Variants in FARP2 observed in about 807,000 individuals in gnomAD.
FARP2 encodes the protein FERM, ARHGEF and pleckstrin domain-containing protein 2.
A neutral mutation model predicts 130.5 loss-of-function variants in FARP2; 111 were observed. The observed-to-expected ratio is 0.85, with a 90% CI of 0.73 to 1.00. FARP2 has a LOEUF of 1.00. Among genes scored for constraint, FARP2 ranks in the 50% least tolerant of loss-of-function variants. The pLI is 0.00. For missense variants in FARP2, 1,385 were observed against 1,346.3 expected (o/e 1.03, Z -0.45); for synonymous variants, 504 against 516.9 (o/e 0.98, Z 0.34).
intron 14 of FARP2, among the ~76,000 whole-genome samples, chr2:241,458,448 G>A (rs1490067596): frequency 6.6e-6 from 1 of 152,168 alleles, no homozygotes; most frequent in African/African-American, 2.4e-5. Flanking sequence ...GGATGGCACA[G>A]GCAGGGCAGT....
At chr2:241,356,721 A>T (rs924391962) in intron 1 of FARP2, among the ~76,000 whole-genome samples, 9 of 150,886 alleles carry the variant, frequency 6.0e-5, no homozygotes, top group Non-Finnish European at 1.3e-4. Flanking sequence ...TCCCGCGTGG[A>T]CTCGCGGGTT....
At chr2:241,366,585 T>G (rs530747983) in intron 1 of FARP2, among the ~76,000 whole-genome samples, 1 of 152,234 alleles carries the variant, frequency 6.6e-6, no homozygotes, top group African/African-American at 2.4e-5. Context: ...GTGATCTTCC[T>G]TTTCTTGCAC....
rs148793236 is a variant in FARP2, at chr2:241,460,229, G to A, written c.1588-2294G>A. Among the ~76,000 whole-genome samples, 241 of 152,258 alleles carry A rather than the reference G, an allele frequency of 1.6e-3. 3 individuals are homozygous for A. Among genetic ancestry groups the A allele is most frequent in the African/African-American group, 5.6e-3 (232 of 41,560 alleles). ...ACCATAAACATGGGCCTCTGGGGAC[G>A]GGACCAGCTCTGCCCCCAGAGAATT... On this transcript the variant is annotated intron_variant, in intron 14 of 26. Coordinates refer to ENST00000264042, the MANE Select transcript of FARP2 (RefSeq NM_014808.4).
chr2:241,473,596 C>T (rs1238874696), intron 18 of FARP2, among the ~76,000 whole-genome samples: 1 of 152,198 alleles, frequency 6.6e-6, no homozygotes, highest in South Asian at 2.1e-4. Context: ...AGTCAGGCTC[C>T]CAGCCCTGCA....
chr2:241,459,463 C>T lies in FARP2; in HGVS notation c.1587+2541C>T, dbSNP rs1346927000. Among the ~76,000 whole-genome samples, 3 of 152,186 alleles carry T rather than the reference C, an allele frequency of 2.0e-5. No homozygotes were observed. The highest frequency in any genetic ancestry group is 7.2e-5 in the African/African-American group (3 of 41,452). The stretch of plus-strand genomic sequence containing the variant: ...AAGAGCTGCCCACCCTCCAGCCCAC[C>T]CTCGCCAGCTGGTGCCCTCCTCCCC... On this transcript the variant is annotated intron_variant, in intron 14 of 26. Transcript: ENST00000264042. The surrounding 1 kb of genome is among the most constrained non-coding windows in gnomAD (Gnocchi z 5.3).
In FARP2 at chr2:241,451,649, T is replaced by C. The variant is rs147562326; in HGVS notation, c.1412-5098T>C. On this transcript the variant is annotated intron_variant, in intron 13 of 26. Coordinates refer to ENST00000264042, the MANE Select transcript of FARP2 (RefSeq NM_014808.4). ...CAGTAGATGACCTCGGATTTAGAGT[T>C]TATTTTTTACAGATACCTAAGATTA... Among the ~76,000 whole-genome samples the C allele has an allele frequency of 3.8e-3, 585 of 152,340 alleles. 2 individuals carry two copies. The highest frequency in any genetic ancestry group is 0.013 in the South Asian group (65 of 4,828).
intron 2 of FARP2, among the ~76,000 whole-genome samples, chr2:241,394,144 T>C (rs1440494378): frequency 6.6e-6 from 1 of 152,194 alleles, no homozygotes; most frequent in Non-Finnish European, 1.5e-5. Flanking sequence ...GCAGTGATTA[T>C]TGTAGTCCAC....
At chr2:241,456,592 G>A in intron 13 of FARP2, 155 bp from the exon 14 acceptor site, 1 of 681,700 alleles carries the variant, frequency 1.5e-6, no homozygotes, top group East Asian at 2.7e-5. Flanking sequence ...GTTTAGAATT[G>A]TGTGTGATAG....
intron 13 of FARP2, chr2:241,447,193 A>G (rs1274209896): frequency 6.6e-6 from 1 of 152,132 alleles, no homozygotes; most frequent in Non-Finnish European, 1.5e-5. Flanking sequence ...GTTTTGATTT[A>G]TATAAGTTAA....
At chr2:241,453,356 C>T (rs373336552) in intron 13 of FARP2, among the ~76,000 whole-genome samples, 5 of 151,578 alleles carry the variant, frequency 3.3e-5, no homozygotes, top group Admixed American at 1.3e-4. Context: ...GGCGCGGTGG[C>T]TCATGCCTGT....
intron 16 of FARP2, 143 bp from the exon 17 acceptor site, chr2:241,463,756 G>A: frequency 1.3e-6 from 1 of 762,354 alleles, no homozygotes; most frequent in Non-Finnish European, 2.2e-6. Flanking sequence ...TCCAGGGCAG[G>A]CCCTGCCCTG....
intron 19 of FARP2, chr2:241,478,594 G>A: frequency 9.9e-6 from 5 of 507,594 alleles, no homozygotes; most frequent in South Asian, 7.5e-5. Flanking sequence ...TTGGGCCTGT[G>A]TTGAACTACC....
chr2:241,360,639 A>T (rs1327233241), intron 1 of FARP2, among the ~76,000 whole-genome samples: 1 of 149,594 alleles, frequency 6.7e-6, no homozygotes, highest in Non-Finnish European at 1.5e-5. Context: ...ACGCCACTGC[A>T]CTCCAGCCTG....
chr2:241,468,449 A>T lies in FARP2; in HGVS notation c.2131+72A>T, dbSNP rs1027927297. The T allele has an allele frequency of 3.4e-5, 39 of 1,135,498 alleles. No homozygotes were observed. In the South Asian group the frequency reaches 3.7e-4, roughly 11 times the overall value. 70.3% of individuals were successfully genotyped at this position (1,135,498 alleles called of 1,614,324 possible). A position where few individuals can be genotyped will look rare whatever the true frequency, so the allele number is the denominator to read the frequency against. Reference sequence around the variant, plus strand: ...TGGGAGGCAGGGGCGGCTTTGCCAGACCTGAAGACTTCCTTCACTGGGAAG... The same window carrying T: ...TGGGAGGCAGGGGCGGCTTTGCCAGTCCTGAAGACTTCCTTCACTGGGAAG... On this transcript the variant is annotated intron_variant, in intron 18 of 26. Coordinates refer to ENST00000264042, the MANE Select transcript of FARP2 (RefSeq NM_014808.4).
intron 7 of FARP2, among the ~76,000 whole-genome samples, chr2:241,417,020 G>T (rs1344540393): frequency 6.6e-6 from 1 of 152,166 alleles, no homozygotes; most frequent in Non-Finnish European, 1.5e-5. Flanking sequence ...AAAGGAGATG[G>T]CCGGGCGCAG....
intron 1 of FARP2, among the ~76,000 whole-genome samples, chr2:241,359,164 G>A (rs993453219): frequency 6.6e-6 from 1 of 152,148 alleles, no homozygotes; most frequent in African/African-American, 2.4e-5. Flanking sequence ...TACATGAGGA[G>A]GTGAACAGGA....
intron 24 of FARP2, 138 bp downstream of exon 24, chr2:241,491,817 G>C: frequency 2.6e-6 from 2 of 768,578 alleles, no homozygotes; most frequent in South Asian, 4.0e-5. Context: ...CTCTCCCCTT[G>C]GTAGAAGTTG....
At chr2:241,491,490 CT>C (rs1487283149) in intron 23 of FARP2, 25 bp from the exon 24 acceptor site, 1 of 1,612,120 alleles carries the variant, frequency 6.2e-7, no homozygotes, top group Non-Finnish European at 8.5e-7. Context: ...GGGGTTCCCC[CT>C]GAGACGCTGC....
intron 13 of FARP2, among the ~76,000 whole-genome samples, chr2:241,454,272 T>C (rs909879902): frequency 6.6e-6 from 1 of 152,108 alleles, no homozygotes; most frequent in Admixed American, 6.6e-5. Context: ...AACTAGTGGC[T>C]TGCTGTTGGA....
Sources: allele counts gnomAD v4.1 joint callset (sites outside exome capture counted in the v4.1 genomes callset), GRCh38; gene constraint gnomAD v4.1.1; non-coding constraint Gnocchi (gnomAD v3.1); transcripts MANE v1.5; gene names NCBI Gene and HGNC (gene_info 2026-07-23, HGNC 2026-07-21).